The following ST6GALNAC3 variants were observed in gnomAD, a reference collection of about 807,000 sequenced individuals.
ST6GALNAC3 encodes ST6 N-acetylgalactosaminide alpha-2,6-sialyltransferase 3, also known as alpha-N-acetylgalactosaminide alpha-2,6-sialyltransferase 3.
A neutral mutation model predicts 32.7 loss-of-function variants in ST6GALNAC3; 25 were observed. The ratio of observed to expected loss-of-function variants is 0.76; its 90% CI spans 0.56 to 1.07. The LOEUF (loss-of-function observed/expected upper bound fraction) is 1.07, where lower values mean the gene tolerates loss of function less well. ST6GALNAC3 is among the 50% of genes least tolerant of loss of function. The pLI is 0.00. For synonymous variants in ST6GALNAC3, 129 were observed against 133.1 expected (o/e 0.97, Z 0.21); for missense variants, 355 against 382.4 (o/e 0.93, Z 0.60).
chr1:76,564,089 C>T (rs1449094404), intron 3 of ST6GALNAC3, among the ~76,000 whole-genome samples: 4 of 152,150 alleles, frequency 2.6e-5, no homozygotes, highest in African/African-American at 9.7e-5. Flanking sequence ...TACTAGTTTG[C>T]TCCTAGTTAG....
chr1:76,563,556 A>G (rs1330514485), intron 3 of ST6GALNAC3, among the ~76,000 whole-genome samples: 3 of 152,208 alleles, frequency 2.0e-5, no homozygotes, highest in Non-Finnish European at 4.4e-5. Context: ...TTTAGAACCC[A>G]ATTTAACTCT....
At chr1:76,539,312 T>C (rs376808154) in intron 3 of ST6GALNAC3, among the ~76,000 whole-genome samples, 4 of 152,326 alleles carry the variant, frequency 2.6e-5, no homozygotes, top group Admixed American at 2.0e-4. Flanking sequence ...TGGCTAGCCA[T>C]ATGCAGAAAA....
At chr1:76,600,153 T>C (rs1221513355) in intron 3 of ST6GALNAC3, among the ~76,000 whole-genome samples, 1 of 152,118 alleles carries the variant, frequency 6.6e-6, no homozygotes, top group East Asian at 1.9e-4. Flanking sequence ...TCTAGAGTCA[T>C]GAGAGAGCTT....
intron 1 of ST6GALNAC3, among the ~76,000 whole-genome samples, chr1:76,182,840 AAT>A (rs1491300146): frequency 7.0e-6 from 1 of 143,850 alleles, no homozygotes; most frequent in African/African-American, 2.6e-5. Flanking sequence ...ATACCTTCAT[AAT>A]TTTTTTTTTT....
chr1:76,369,658 CT>C (rs1337801541), intron 2 of ST6GALNAC3, among the ~76,000 whole-genome samples: 4 of 152,220 alleles, frequency 2.6e-5, no homozygotes, highest in Non-Finnish European at 5.9e-5. Flanking sequence ...TCTCCTACCC[CT>C]AAAGAATATA....
intron 1 of ST6GALNAC3, among the ~76,000 whole-genome samples, chr1:76,240,923 G>T (rs1452483544): frequency 6.6e-6 from 1 of 152,130 alleles, no homozygotes; most frequent in African/African-American, 2.4e-5. Context: ...ACCAAAAGCA[G>T]AACTAGGTTT....
chr1:76,486,447 CT>C (rs1660121985), intron 3 of ST6GALNAC3, among the ~76,000 whole-genome samples: 1 of 152,190 alleles, frequency 6.6e-6, no homozygotes, highest in Non-Finnish European at 1.5e-5. Flanking sequence ...GTTAGCTCTT[CT>C]TGTTGAATTG....
chr1:76,329,866 T>A (rs918848860), intron 2 of ST6GALNAC3, among the ~76,000 whole-genome samples: 4 of 152,134 alleles, frequency 2.6e-5, no homozygotes, highest in Non-Finnish European at 5.9e-5. Flanking sequence ...TGGAGTACAG[T>A]GGTGCAATCT....
intron 3 of ST6GALNAC3, among the ~76,000 whole-genome samples, chr1:76,554,889 GTTAAC>G (rs1664830898): frequency 5.9e-5 from 9 of 152,156 alleles, no homozygotes; most frequent in Admixed American, 5.9e-4. Context: ...TTAAGTAAGT[GTTAAC>G]TTATTTAATA....
intron 1 of ST6GALNAC3, among the ~76,000 whole-genome samples, chr1:76,202,022 CT>C (rs1423846493): frequency 6.6e-6 from 1 of 152,094 alleles, no homozygotes; most frequent in African/African-American, 2.4e-5. Flanking sequence ...AAGTAATGAA[CT>C]GACTCAGCAC....
chr1:76,479,042 C>A (rs113719919), intron 3 of ST6GALNAC3, among the ~76,000 whole-genome samples: 2 of 152,176 alleles, frequency 1.3e-5, no homozygotes, highest in African/African-American at 4.8e-5. Flanking sequence ...GGATTACAGG[C>A]GTAACCCACC....
At chr1:76,432,097 A>T (rs1380208488) in intron 3 of ST6GALNAC3, among the ~76,000 whole-genome samples, 1 of 152,170 alleles carries the variant, frequency 6.6e-6, no homozygotes, top group Non-Finnish European at 1.5e-5. Context: ...AATCCTTTTC[A>T]GACTAGATTC....
At chr1:76,580,639 A>G (rs1270234400) in intron 3 of ST6GALNAC3, among the ~76,000 whole-genome samples, 2 of 151,886 alleles carry the variant, frequency 1.3e-5, no homozygotes, top group African/African-American at 4.8e-5. Flanking sequence ...TGTCTTCATC[A>G]CTGTGTGGCT....
At position 76,172,845 on chromosome 1, in the gene ST6GALNAC3, C is replaced by T. The variant is rs149368378; in HGVS notation, c.18+97961C>T. ...TCAACGAAATAAGAGAGGACACAAA[C>T]GAATGGAAAAACATTCCATCCTCGT... On this transcript the variant is annotated intron_variant, in intron 1 of 4. Coordinates refer to ENST00000328299, the MANE Select transcript of ST6GALNAC3 (RefSeq NM_152996.4). 7.4e-3 allele frequency among the ~76,000 whole-genome samples: 1,126 copies of T among 152,198 alleles called. 12 individuals are homozygous for T. The highest frequency in any genetic ancestry group is 0.026 in the African/African-American group (1,059 of 41,520).
chr1:76,207,087 C>T (rs188518586), intron 1 of ST6GALNAC3, among the ~76,000 whole-genome samples: 1 of 152,102 alleles, frequency 6.6e-6, no homozygotes, highest in Non-Finnish European at 1.5e-5. Flanking sequence ...CTTCTGATTC[C>T]TCTTTCTATA....
chr1:76,373,883 A>T (rs1487706386), intron 2 of ST6GALNAC3, among the ~76,000 whole-genome samples: 1 of 152,172 alleles, frequency 6.6e-6, no homozygotes, highest in Non-Finnish European at 1.5e-5. Flanking sequence ...AGACAGAAAA[A>T]GTGTTTTCTA....
At chr1:76,291,565 G>A (rs187403034) in intron 1 of ST6GALNAC3, among the ~76,000 whole-genome samples, 7 of 152,334 alleles carry the variant, frequency 4.6e-5, no homozygotes, top group Non-Finnish European at 8.8e-5. Context: ...TTTGGATCCC[G>A]AAAGAGCAGG....
At chr1:76,188,254 C>T (rs1277187113) in intron 1 of ST6GALNAC3, among the ~76,000 whole-genome samples, 3 of 151,996 alleles carry the variant, frequency 2.0e-5, no homozygotes, top group South Asian at 4.1e-4. Flanking sequence ...CCCAGTTACT[C>T]AGGAGGTTGA....
chr1:76,164,809 T>A (rs927462815), intron 1 of ST6GALNAC3, among the ~76,000 whole-genome samples: 1 of 152,122 alleles, frequency 6.6e-6, no homozygotes, highest in African/African-American at 2.4e-5. Context: ...CCAAAGCTGA[T>A]TTTGTAGAGC....
Sources: gnomAD v4.1 joint callset for allele counts (sites outside exome capture counted in the v4.1 genomes callset) on GRCh38, gnomAD v4.1.1 for gene constraint, MANE v1.5 for transcripts, NCBI Gene and HGNC (gene_info 2026-07-23, HGNC 2026-07-21) for gene names.